The following PCDH15 variants were observed in gnomAD, a reference collection of about 807,000 sequenced individuals.
The protein encoded by PCDH15 is protocadherin-15.
In PCDH15, 129 loss-of-function variants were observed where a neutral mutation model predicts 178.5. The observed-to-expected ratio is 0.72, with a 90% CI of 0.63 to 0.84. The LOEUF (loss-of-function observed/expected upper bound fraction) is 0.84. PCDH15 is among the 40% of genes least tolerant of loss of function. PCDH15 has a pLI of 0.00. For missense variants in PCDH15, 2,230 were observed against 2,099.9 expected, an observed-to-expected ratio of 1.06 and a Z score of -1.21; for synonymous variants, 800 against 732.0, an observed-to-expected ratio of 1.09 and a Z score of -1.50.
At chr10:55,342,002 T>C (rs953299545) in intron 2 of PCDH15, among the ~76,000 whole-genome samples, 1 of 150,026 alleles carries the variant, frequency 6.7e-6, no homozygotes, top group Non-Finnish European at 1.5e-5. Context: ...TTGAACAGGA[T>C]TAGAGCACTA....
intron 3 of PCDH15, among the ~76,000 whole-genome samples, chr10:54,889,525 T>C (rs574957156): frequency 5.7e-4 from 65 of 113,866 alleles, no homozygotes; most frequent in Admixed American, 1.9e-3. Context: ...ATATGATCTA[T>C]ATATACAAAA....
chr10:54,286,679 G>A lies in PCDH15; in HGVS notation c.876+30592C>T, dbSNP rs142905669. Among the ~76,000 whole-genome samples, 80 of 152,236 alleles carry A rather than the reference G, an allele frequency of 5.3e-4. 1 individual carries two copies. In the East Asian group the frequency reaches 0.012, roughly 22 times the overall value. On this transcript the variant is annotated intron_variant, in intron 8 of 37. Coordinates refer to ENST00000644397, the MANE Select transcript of PCDH15 (RefSeq NM_001384140.1). ...CTTGCTCTATTGCTCAGTCTGGAGT[G>A]CGGTAGCACGATCTCAGCTCACTGC...
intron 11 of PCDH15, among the ~76,000 whole-genome samples, chr10:54,193,012 CA>C (rs2049188922): frequency 1.3e-5 from 2 of 152,242 alleles, no homozygotes; most frequent in South Asian, 4.1e-4. Context: ...ATGACAGAAC[CA>C]GGAGTCAAGC....
At chr10:55,253,468 A>G (rs1592023300) in intron 1 of PCDH15, among the ~76,000 whole-genome samples, 1 of 152,180 alleles carries the variant, frequency 6.6e-6, no homozygotes, top group East Asian at 1.9e-4. Context: ...TTTAATTTGT[A>G]TTGAATTACT....
At chr10:55,135,505 T>G (rs1338356887) in intron 2 of PCDH15, among the ~76,000 whole-genome samples, 3 of 151,828 alleles carry the variant, frequency 2.0e-5, no homozygotes, top group African/African-American at 7.2e-5. Flanking sequence ...TTTTCAGACC[T>G]GTTTGGGAGC....
chr10:54,547,914 C>A (rs535903760), intron 2 of PCDH15, among the ~76,000 whole-genome samples: 1 of 151,874 alleles, frequency 6.6e-6, no homozygotes, highest in East Asian at 1.9e-4. Flanking sequence ...TTTCAGAATT[C>A]CTCTTTCTCC....
chr10:54,213,358 A>G (rs901681971), intron 10 of PCDH15, among the ~76,000 whole-genome samples: 1 of 152,102 alleles, frequency 6.6e-6, no homozygotes, highest in Admixed American at 6.6e-5. Context: ...ATATACTATT[A>G]AACCAAAAGT....
upstream of PCDH15, among the ~76,000 whole-genome samples, chr10:54,805,173 G>T (rs934017525): frequency 2.6e-5 from 4 of 151,642 alleles, no homozygotes; most frequent in Non-Finnish European, 5.9e-5. Context: ...GAGAAAGGAA[G>T]ACATAAGAGG....
intron 3 of PCDH15, among the ~76,000 whole-genome samples, chr10:54,865,112 T>C (rs2131785908): frequency 6.6e-6 from 1 of 152,294 alleles, no homozygotes; most frequent in South Asian, 2.1e-4. Flanking sequence ...TTTCTGGGTA[T>C]GTCTGCGAGG....
intron 21 of PCDH15, among the ~76,000 whole-genome samples, chr10:53,990,997 C>T (rs935498277): frequency 2.6e-5 from 4 of 152,092 alleles, no homozygotes; most frequent in South Asian, 2.1e-4. Flanking sequence ...CAGCACTGCC[C>T]GCCCGCCCAC....
chr10:54,408,901 C>A (rs1024181427), intron 3 of PCDH15, among the ~76,000 whole-genome samples: 1 of 152,100 alleles, frequency 6.6e-6, no homozygotes, highest in Non-Finnish European at 1.5e-5. Flanking sequence ...GGCAGCATTT[C>A]CTAGGTGATA....
intron 18 of PCDH15, among the ~76,000 whole-genome samples, chr10:54,065,452 A>C (rs951678622): frequency 9.2e-5 from 14 of 152,204 alleles, no homozygotes; most frequent in African/African-American, 3.4e-4. Context: ...TTGTGTCCAG[A>C]TTTTCTGTTG....
intron 8 of PCDH15, among the ~76,000 whole-genome samples, chr10:54,277,447 T>C (rs917321811): frequency 6.6e-6 from 1 of 151,634 alleles, no homozygotes; most frequent in African/African-American, 2.4e-5. Context: ...AAAATTGTAG[T>C]TCCAAGAGAA....
intron 2 of PCDH15, among the ~76,000 whole-genome samples, chr10:55,508,072 G>T (rs935758665): frequency 1.4e-3 from 219 of 151,660 alleles, no homozygotes; most frequent in African/African-American, 4.8e-3. Context: ...ACTTATTTAG[G>T]ATTTTATTTT....
intron 1 of PCDH15, among the ~76,000 whole-genome samples, chr10:55,219,790 G>A (rs530134885): frequency 2.7e-5 from 4 of 150,242 alleles, no homozygotes; most frequent in Admixed American, 6.7e-5. Context: ...TACATAGCAA[G>A]GAAAAATAAG....
intron 2 of PCDH15, among the ~76,000 whole-genome samples, chr10:54,961,048 G>T (rs1374030928): frequency 6.6e-6 from 1 of 152,230 alleles, no homozygotes; most frequent in Non-Finnish European, 1.5e-5. Flanking sequence ...AAAGTATTTA[G>T]AACACTGCAG....
intron 26 of PCDH15, among the ~76,000 whole-genome samples, chr10:53,892,632 C>G (rs2081650934): frequency 6.6e-6 from 1 of 151,764 alleles, no homozygotes; most frequent in African/African-American, 2.4e-5. Context: ...AAGAACATAA[C>G]AAGAATGTTT....
At chr10:53,902,717 G>T (rs1254268372) in intron 26 of PCDH15, among the ~76,000 whole-genome samples, 1 of 152,030 alleles carries the variant, frequency 6.6e-6, no homozygotes, top group African/African-American at 2.4e-5. Context: ...CTTAGATACT[G>T]CATTTTTGAA....
At chr10:55,071,377 G>T (rs1841742205) in intron 2 of PCDH15, among the ~76,000 whole-genome samples, 1 of 152,060 alleles carries the variant, frequency 6.6e-6, no homozygotes, top group African/African-American at 2.4e-5. Flanking sequence ...ACACACATAG[G>T]CTCAAAGTAA....
Sources: allele counts gnomAD v4.1 joint callset (sites outside exome capture counted in the v4.1 genomes callset), GRCh38; gene constraint gnomAD v4.1.1; transcripts MANE v1.5; gene names NCBI Gene and HGNC (gene_info 2026-07-23, HGNC 2026-07-21).